The following SLC8A1 variants were observed in gnomAD, a reference collection of about 807,000 sequenced individuals.
SLC8A1 encodes the protein sodium/calcium exchanger 1.
In SLC8A1, 18 loss-of-function variants were observed where a neutral mutation model predicts 68.3. The observed-to-expected ratio is 0.26, with a 90% CI of 0.18 to 0.39. The LOEUF (loss-of-function observed/expected upper bound fraction) is 0.39, where lower values mean the gene tolerates loss of function less well. SLC8A1 is among the 10% of genes least tolerant of loss of function. SLC8A1 has a pLI of 1.00. For missense variants in SLC8A1, 985 were observed against 1,156.7 expected (o/e 0.85, Z 2.15); for synonymous variants, 475 against 415.5 (o/e 1.14, Z -1.74).
At chr2:40,376,934 C>A (rs1232928563) in intron 2 of SLC8A1, among the ~76,000 whole-genome samples, 1 of 151,942 alleles carries the variant, frequency 6.6e-6, no homozygotes, top group Admixed American at 6.6e-5. Context: ...CTAAGATGAC[C>A]CCCATGAACC....
intron 4 of SLC8A1, among the ~76,000 whole-genome samples, chr2:40,167,693 G>C (rs2046781391): frequency 6.6e-6 from 1 of 151,980 alleles, no homozygotes; most frequent in Non-Finnish European, 1.5e-5. Context: ...TTTTCATTTT[G>C]TTAAATCTTA....
At chr2:40,428,519 A>T in exon 2 of SLC8A1, 1 of 1,611,546 alleles carries the variant, frequency 6.2e-7, no homozygotes, top group Non-Finnish European at 8.5e-7. Context: ...GTGTCCTCAA[A>T]ATCCTCCCCT....
At chr2:40,178,298 T>C in intron 2 of SLC8A1, 89 bp downstream of exon 3, 1 of 956,314 alleles carries the variant, frequency 1.0e-6, no homozygotes, top group Non-Finnish European at 1.7e-6. Context: ...ATGTGTGCAT[T>C]GTAAGTCATG....
chr2:40,172,267 TA>T (rs769077102), intron 4 of SLC8A1, among the ~76,000 whole-genome samples: 6 of 152,194 alleles, frequency 3.9e-5, no homozygotes, highest in Non-Finnish European at 1.5e-5. Flanking sequence ...AAGGGTCATG[TA>T]AAGTGAGACG....
chr2:40,471,900 A>C (rs1704011581), intron 1 of SLC8A1, among the ~76,000 whole-genome samples: 1 of 152,236 alleles, frequency 6.6e-6, no homozygotes, highest in South Asian at 2.1e-4. Context: ...AGAAATTTAA[A>C]ATATGTTCAT....
intron 7 of SLC8A1, among the ~76,000 whole-genome samples, chr2:40,126,175 C>T (rs1413340850): frequency 5.9e-5 from 9 of 152,256 alleles, no homozygotes; most frequent in Middle Eastern, 3.4e-3. Context: ...CAGATAACAA[C>T]TCCATGCTCT....
chr2:40,116,049 C>T (rs55786798), intron 7 of SLC8A1, among the ~76,000 whole-genome samples: 1 of 152,104 alleles, frequency 6.6e-6, no homozygotes, highest in African/African-American at 2.4e-5. Context: ...TCTATTTTAA[C>T]AGTATCCTAA....
chr2:40,282,700 A>G (rs116296954), intron 2 of SLC8A1, among the ~76,000 whole-genome samples: 1,774 of 152,268 alleles, frequency 0.012, 34 homozygotes, highest in African/African-American at 0.04. Flanking sequence ...TCTTGCAGGA[A>G]ATAATTGCCA....
chr2:40,475,531 T>A (rs1704238873), intron 1 of SLC8A1, among the ~76,000 whole-genome samples: 1 of 152,150 alleles, frequency 6.6e-6, no homozygotes, highest in Non-Finnish European at 1.5e-5. Flanking sequence ...TTATTAAATA[T>A]TTAGTTTTTA....
At chr2:40,267,498 T>C (rs918485849) in intron 2 of SLC8A1, among the ~76,000 whole-genome samples, 7 of 152,224 alleles carry the variant, frequency 4.6e-5, no homozygotes, top group Non-Finnish European at 1.0e-4. Context: ...TGCTAATTAC[T>C]CAACAGAGTA....
intron 2 of SLC8A1, among the ~76,000 whole-genome samples, chr2:40,312,294 C>T (rs1017522721): frequency 1.3e-5 from 2 of 152,054 alleles, no homozygotes; most frequent in Non-Finnish European, 2.9e-5. Flanking sequence ...TACAATAGAT[C>T]ATGATTATTT....
At chr2:40,500,795 CTTTTTTTTTTTTTT>C (rs1191619172) in intron 1 of SLC8A1, among the ~76,000 whole-genome samples, 3 of 37,262 alleles carry the variant, frequency 8.1e-5, no homozygotes, top group East Asian at 1.0e-3. Context: ...TATCATCTGA[CTTTTTTTTTTTTTT>C]TTTTTTTTTT....
chr2:40,493,913 C>CCT (rs1258738261), intron 1 of SLC8A1, among the ~76,000 whole-genome samples: 3 of 151,984 alleles, frequency 2.0e-5, no homozygotes, highest in Middle Eastern at 3.4e-3. Context: ...CCTCTCCTCT[C>CCT]CTCTTTTTTC....
chr2:40,392,277 A>C (rs1403969395), intron 2 of SLC8A1, among the ~76,000 whole-genome samples: 1 of 150,364 alleles, frequency 6.7e-6, no homozygotes, highest in Non-Finnish European at 1.5e-5. Flanking sequence ...AGCAAGCAAG[A>C]AAACCTAAAG....
chr2:40,362,516 A>G (rs562512492), intron 2 of SLC8A1, among the ~76,000 whole-genome samples: 56 of 152,268 alleles, frequency 3.7e-4, no homozygotes, highest in African/African-American at 1.3e-3. Flanking sequence ...AATTCAAAAT[A>G]TTTTAAAATG....
intron 2 of SLC8A1, among the ~76,000 whole-genome samples, chr2:40,370,937 T>C (rs1371779686): frequency 6.6e-6 from 1 of 152,120 alleles, no homozygotes; most frequent in Non-Finnish European, 1.5e-5. Context: ...CATGACTTAG[T>C]ACACTAGTTG....
At chr2:40,223,051 A>G (rs191542148) in intron 2 of SLC8A1, among the ~76,000 whole-genome samples, 1 of 152,368 alleles carries the variant, frequency 6.6e-6, no homozygotes, top group Non-Finnish European at 1.5e-5. Flanking sequence ...TCATGCTACT[A>G]GAAAGACACA....
intron 7 of SLC8A1, among the ~76,000 whole-genome samples, chr2:40,134,846 CAG>C (rs1490531792): frequency 6.6e-6 from 1 of 151,714 alleles, no homozygotes; most frequent in East Asian, 1.9e-4. Context: ...GATTAGTGGA[CAG>C]AGTTAGAAAA....
chr2:40,251,271 A>G (rs2062706480), intron 2 of SLC8A1: 1 of 152,220 alleles, frequency 6.6e-6, no homozygotes, highest in Admixed American at 6.5e-5. Context: ...GATATAAAAA[A>G]GAGAAAAATC....
Sources: allele counts gnomAD v4.1 joint callset (sites outside exome capture counted in the v4.1 genomes callset), GRCh38; gene constraint gnomAD v4.1.1; transcripts MANE v1.5; gene names NCBI Gene and HGNC (gene_info 2026-07-23, HGNC 2026-07-21).